The following GAB2 variants were observed in gnomAD, a reference collection of about 807,000 sequenced individuals.
GAB2 encodes GRB2 associated binding protein 2, also known as GRB2-associated-binding protein 2.
In GAB2, 26 loss-of-function variants were observed where a neutral mutation model predicts 65.5. The ratio of observed to expected loss-of-function variants is 0.40; its 90% CI spans 0.29 to 0.55. The LOEUF (loss-of-function observed/expected upper bound fraction) is 0.55. GAB2 is among the 20% of genes least tolerant of loss of function. The probability of loss-of-function intolerance (pLI) is 0.53; values close to 1 mark genes in which losing one functional copy is unlikely to be tolerated. For missense variants in GAB2, 884 were observed against 875.8 expected (o/e 1.01, Z -0.12); for synonymous variants, 321 against 329.6 (o/e 0.97, Z 0.28).
chr11:78,248,322 G>C (rs528665771), intron 3 of GAB2, among the ~76,000 whole-genome samples: 1 of 152,296 alleles, frequency 6.6e-6, no homozygotes, highest in African/African-American at 2.4e-5. Flanking sequence ...GATCACTGGA[G>C]TGGTGGTGGC....
At chr11:78,234,526 A>G (rs935527823) in intron 3 of GAB2, among the ~76,000 whole-genome samples, 1 of 150,694 alleles carries the variant, frequency 6.6e-6, no homozygotes, top group African/African-American at 2.4e-5. Flanking sequence ...TTTGCAGAAC[A>G]GGTTTTTCCT....
intron 1 of GAB2, among the ~76,000 whole-genome samples, chr11:78,380,838 C>T (rs184212062): frequency 7.9e-6 from 1 of 126,832 alleles, no homozygotes; most frequent in Non-Finnish European, 1.6e-5. Flanking sequence ...CATCTCAGAA[C>T]GTTGTCCCTC....
At chr11:78,405,592 A>G (rs1381642053) in intron 1 of GAB2, among the ~76,000 whole-genome samples, 1 of 152,244 alleles carries the variant, frequency 6.6e-6, no homozygotes. Context: ...AAGACCATAC[A>G]CAGTGGGTAA....
At chr11:78,325,746 C>T (rs777833881) in intron 1 of GAB2, among the ~76,000 whole-genome samples, 1 of 152,180 alleles carries the variant, frequency 6.6e-6, no homozygotes, top group East Asian at 1.9e-4. Flanking sequence ...ACAACCACTA[C>T]ATTGTCAGTA....
chr11:78,250,354 A>G lies in GAB2; in HGVS notation c.423T>C (p.Ser141=), dbSNP rs1293648381. The change falls in exon 3 of 10, where the codon TCT becomes TCC. Residue 141 remains serine, a synonymous_variant. Coordinates refer to ENST00000361507, the MANE Select transcript of GAB2 (RefSeq NM_080491.3). The part of the protein sequence containing the change: ...VSSAGHGPRS[S]PAELSSSSQH... ...GGCTAGAGCTGCTGAGCTCAGCTGGAGAAGAGCGGGGGCCATGACCGGCTG... is the reference window on the plus strand; with the variant it reads ...GGCTAGAGCTGCTGAGCTCAGCTGGGGAAGAGCGGGGGCCATGACCGGCTG... 1.2e-6 allele frequency: 2 copies of G among 1,613,178 alleles called. No individual in the cohort carries two copies. The highest frequency in any genetic ancestry group is 1.7e-5 in the Admixed American group (1 of 59,908).
Position 78,220,303 on chromosome 11 carries a change from A to C in GAB2, c.1887+16T>G. Reference sequence around the variant, plus strand: ...CCTGAGAGCTCTTACTGCCCCCCCAACTCTACTCCAGGCACCTTGCGGTGG... The same window carrying C: ...CCTGAGAGCTCTTACTGCCCCCCCACCTCTACTCCAGGCACCTTGCGGTGG... On this transcript the variant is annotated intron_variant, in intron 9 of 9. Transcript: ENST00000361507. 1 of 1,611,364 alleles carries C rather than the reference A, an allele frequency of 6.2e-7. No homozygotes were observed. The highest frequency in any genetic ancestry group is 2.2e-5 in the East Asian group (1 of 44,780).
intron 2 of GAB2, among the ~76,000 whole-genome samples, chr11:78,257,628 A>C (rs2512533): frequency 0.16 from 23,767 of 152,156 alleles, 2,399 homozygotes; most frequent in East Asian, 0.4. Context: ...GCTGCTTTCC[A>C]AGACATGACG....
intron 2 of GAB2, among the ~76,000 whole-genome samples, chr11:78,267,681 AC>A (rs1283279481): frequency 6.6e-6 from 1 of 151,586 alleles, no homozygotes; most frequent in African/African-American, 2.4e-5. Context: ...ACATGGTGAA[AC>A]CCCGTCGCTA....
intron 1 of GAB2, among the ~76,000 whole-genome samples, chr11:78,334,574 C>A (rs1855967834): frequency 6.6e-6 from 1 of 152,230 alleles, no homozygotes; most frequent in African/African-American, 2.4e-5. Flanking sequence ...CATGTTGTTG[C>A]AAATGAGAGG....
At position 78,215,837 on chromosome 11, in the gene GAB2, G is replaced by C. The variant is rs1181707829; in HGVS notation, c.*3435C>G. ...TTCCCCTGCATTTTATGAAGGCCCA[G>C]ATGGGGAAGGAAGAACTCTGGAAAT... is the stretch of plus-strand genomic sequence containing the variant. On this transcript the variant is annotated 3_prime_UTR_variant, in exon 10 of 10. Transcript: ENST00000361507. The C allele has an allele frequency of 6.5e-6, 1 of 152,694 alleles. No individual in the cohort carries two copies. The allele number at this position is 152,694 out of a possible 1,614,324, so 9.5% of individuals were successfully genotyped here.
intron 4 of GAB2, among the ~76,000 whole-genome samples, chr11:78,225,842 G>C (rs1185512014): frequency 6.6e-6 from 1 of 152,184 alleles, no homozygotes; most frequent in African/African-American, 2.4e-5. Context: ...CAACAGGATG[G>C]ACAAGAAAAG....
In GAB2 at chr11:78,220,345, G is replaced by C; in HGVS notation, c.1861C>G (p.Pro621Ala). The C allele has an allele frequency of 1.2e-6, 2 of 1,612,850 alleles. No individual in the cohort carries two copies. The highest frequency in any genetic ancestry group is 1.7e-6 in the Non-Finnish European group (2 of 1,179,638). Residue 621 changes from proline to alanine, a missense_variant, in exon 9 of 10, where the codon CCG becomes GCG. Coordinates refer to ENST00000361507, the MANE Select transcript of GAB2 (RefSeq NM_080491.3). ...SVDYLALDFQ[P>A]SSPSPHRKPS... ...TTGCGGTGGGGGCTTGGGGAGCTCG[G>C]CTGGAAGTCCAGGGCCAGATAATCA...
chr11:78,408,095 T>C (rs1221855663), intron 1 of GAB2, among the ~76,000 whole-genome samples: 1 of 152,086 alleles, frequency 6.6e-6, no homozygotes, highest in East Asian at 1.9e-4. Context: ...CCTGAAAACA[T>C]CAGCAAAGAA....
rs757915106 is a variant in GAB2, at chr11:78,217,319, C to G, written c.*1953G>C. 4 of 152,188 alleles carry G rather than the reference C, an allele frequency of 2.6e-5. No homozygotes were observed. Among genetic ancestry groups the G allele is most frequent in the Non-Finnish European group, 4.4e-5 (3 of 68,046 alleles). 9.4% of individuals were successfully genotyped at this position (152,188 alleles called of 1,614,324 possible). A position where few individuals can be genotyped will look rare whatever the true frequency, so the allele number is the denominator to read the frequency against. Reference sequence around the variant, plus strand: ...TTCTTGTGTCCTTAGTGCTTAACCCCAGAAACTGGAGACAGCAGCCATTAA... The same window carrying G: ...TTCTTGTGTCCTTAGTGCTTAACCCGAGAAACTGGAGACAGCAGCCATTAA... On this transcript the variant is annotated 3_prime_UTR_variant, in exon 10 of 10. Transcript: ENST00000361507.
At chr11:78,323,790 CT>C (rs749282969) in intron 1 of GAB2, among the ~76,000 whole-genome samples, 2,971 of 77,156 alleles carry the variant, frequency 0.039, 13 homozygotes, top group African/African-American at 0.059. Flanking sequence ...CTGAATCTTT[CT>C]TTTTTTTTTT....
At chr11:78,252,605 C>T (rs1033011458) in intron 2 of GAB2, among the ~76,000 whole-genome samples, 3 of 152,126 alleles carry the variant, frequency 2.0e-5, no homozygotes, top group Non-Finnish European at 4.4e-5. Flanking sequence ...CCACTCTAGA[C>T]CCTCCTATAG....
intron 2 of GAB2, among the ~76,000 whole-genome samples, chr11:78,257,113 C>T (rs1865615087): frequency 1.3e-5 from 2 of 152,104 alleles, no homozygotes; most frequent in South Asian, 4.1e-4. Flanking sequence ...ACAAACACTC[C>T]TCCCACCTTC....
chr11:78,369,058 A>C (rs1288696778), intron 1 of GAB2, among the ~76,000 whole-genome samples: 2 of 151,638 alleles, frequency 1.3e-5, no homozygotes, highest in Non-Finnish European at 2.9e-5. Context: ...GGATCACTTG[A>C]GCCCAGGAGG....
chr11:78,258,178 G>A (rs1865643861), intron 2 of GAB2, among the ~76,000 whole-genome samples: 1 of 152,116 alleles, frequency 6.6e-6, no homozygotes, highest in Non-Finnish European at 1.5e-5. Flanking sequence ...AAATGCAGAG[G>A]GCTGGTCCCA....
Sources: allele counts gnomAD v4.1 joint callset (sites outside exome capture counted in the v4.1 genomes callset), GRCh38; gene constraint gnomAD v4.1.1; transcripts MANE v1.5; gene names NCBI Gene and HGNC (gene_info 2026-07-23, HGNC 2026-07-21).